ROBO2: variants seen among roughly 807,000 people sequenced by gnomAD.
ROBO2 encodes the protein roundabout guidance receptor 2, also known as roundabout homolog 2.
Under a neutral mutation model 160.8 loss-of-function variants are expected in ROBO2, and 53 were observed. The observed-to-expected ratio is 0.33, with a 90% CI of 0.26 to 0.41. ROBO2 has a LOEUF of 0.41. Among genes scored for constraint, ROBO2 ranks in the 10% least tolerant of loss-of-function variants. The pLI is 1.00. For synonymous variants in ROBO2, 664 were observed against 611.7 expected, an observed-to-expected ratio of 1.09 and a Z score of -1.26; for missense variants, 1,577 against 1,722.4, an observed-to-expected ratio of 0.92 and a Z score of 1.49.
At chr3:76,191,318 C>CCAGGTTTATTCTCAATGA (rs1313924941) in intron 2 of ROBO2, among the ~76,000 whole-genome samples, 1 of 151,988 alleles carries the variant, frequency 6.6e-6, no homozygotes, top group African/African-American at 2.4e-5. Context: ...AATACGCGTC[C>CCAGGTTTATTCTCAATGA]CAGGTTTATT....
chr3:76,880,100 C>T (rs2073180025), intron 2 of ROBO2, among the ~76,000 whole-genome samples: 1 of 152,062 alleles, frequency 6.6e-6, no homozygotes. Context: ...AATTTCTCCC[C>T]TCGAAGTGTT....
At chr3:77,118,026 C>T (rs2074377820) in intron 2 of ROBO2, among the ~76,000 whole-genome samples, 1 of 152,126 alleles carries the variant, frequency 6.6e-6, no homozygotes, top group Non-Finnish European at 1.5e-5. Context: ...TGCTATGTGC[C>T]ATTAAATTGA....
At chr3:77,138,882 A>C (rs2076484561) in intron 2 of ROBO2, among the ~76,000 whole-genome samples, 1 of 152,010 alleles carries the variant, frequency 6.6e-6, no homozygotes, top group African/African-American at 2.4e-5. Flanking sequence ...CATGAATATG[A>C]GATTGGAAGT....
At chr3:77,259,609 G>C (rs532918552) in intron 2 of ROBO2, among the ~76,000 whole-genome samples, 11 of 152,266 alleles carry the variant, frequency 7.2e-5, no homozygotes, top group Non-Finnish European at 1.6e-4. Flanking sequence ...AACAAAAAAG[G>C]ATGATTGCTT....
intron 6 of ROBO2, among the ~76,000 whole-genome samples, chr3:77,530,534 G>A (rs375106684): frequency 2.8e-4 from 42 of 152,086 alleles, no homozygotes; most frequent in East Asian, 2.5e-3. Flanking sequence ...TGAACTTAGA[G>A]GATGCTCTAG....
intron 2 of ROBO2, among the ~76,000 whole-genome samples, chr3:76,192,444 C>G: frequency 6.6e-6 from 1 of 151,584 alleles, no homozygotes; most frequent in Admixed American, 6.6e-5. Context: ...GCACTTTTCT[C>G]CTTACTATTA....
intron 2 of ROBO2, among the ~76,000 whole-genome samples, chr3:76,359,697 T>G (rs1473910326): frequency 1.3e-5 from 2 of 152,206 alleles, no homozygotes; most frequent in East Asian, 3.9e-4. Context: ...TTTTTTGTCT[T>G]GGTATTCATA....
At chr3:76,205,349 G>C (rs766840167) in intron 2 of ROBO2, among the ~76,000 whole-genome samples, 7 of 152,068 alleles carry the variant, frequency 4.6e-5, no homozygotes, top group Non-Finnish European at 8.8e-5. Context: ...AGTGAGGAGA[G>C]GCTGGTAAGT....
intron 2 of ROBO2, among the ~76,000 whole-genome samples, chr3:76,524,391 G>C (rs1445993383): frequency 6.6e-6 from 1 of 152,020 alleles, no homozygotes; most frequent in East Asian, 1.9e-4. Context: ...CCCAAGGCAG[G>C]TATTTGATAT....
intron 2 of ROBO2, among the ~76,000 whole-genome samples, chr3:77,387,419 C>G (rs1036103503): frequency 6.6e-6 from 1 of 151,706 alleles, no homozygotes. Flanking sequence ...AAACCTAGGT[C>G]GAATCAAGCA....
At chr3:76,042,794 C>G (rs962139882) in intron 2 of ROBO2, among the ~76,000 whole-genome samples, 4 of 151,956 alleles carry the variant, frequency 2.6e-5, no homozygotes, top group African/African-American at 9.7e-5. Flanking sequence ...CTGCTCTGTT[C>G]TGTTTCACTC....
intron 2 of ROBO2, among the ~76,000 whole-genome samples, chr3:76,158,682 A>G (rs1291896688): frequency 1.3e-5 from 2 of 152,134 alleles, no homozygotes; most frequent in Non-Finnish European, 2.9e-5. Flanking sequence ...AGCTGGCTTA[A>G]GAGAAGTAGC....
intron 2 of ROBO2, among the ~76,000 whole-genome samples, chr3:77,032,518 GA>G (rs1288493104): frequency 6.6e-6 from 1 of 152,008 alleles, no homozygotes; most frequent in African/African-American, 2.4e-5. Context: ...AATGTCCTGA[GA>G]AGAAGTATAT....
intron 2 of ROBO2, among the ~76,000 whole-genome samples, chr3:76,727,751 G>A (rs1576271013): frequency 6.6e-6 from 1 of 152,074 alleles, no homozygotes; most frequent in Non-Finnish European, 1.5e-5. Flanking sequence ...TGTCAGGAAG[G>A]GGGCAGGAAA....
intron 2 of ROBO2, among the ~76,000 whole-genome samples, chr3:75,952,664 A>G (rs982405813): frequency 2.6e-5 from 4 of 151,990 alleles, no homozygotes; most frequent in Non-Finnish European, 5.9e-5. Context: ...AGTTTATATT[A>G]GAGTTTACTC....
chr3:76,958,422 A>C (rs115009858), intron 2 of ROBO2, among the ~76,000 whole-genome samples: 4,480 of 152,282 alleles, frequency 0.029, 217 homozygotes, highest in African/African-American at 0.1. Context: ...TTTGGCATCA[A>C]ATTGCACTGA....
chr3:76,890,013 A>G (rs1424748932), intron 2 of ROBO2, among the ~76,000 whole-genome samples: 1 of 152,106 alleles, frequency 6.6e-6, no homozygotes, highest in Non-Finnish European at 1.5e-5. Flanking sequence ...GCAAGTAGTA[A>G]AGGGCCGTTT....
chr3:77,007,079 A>G (rs1030932353), intron 2 of ROBO2, among the ~76,000 whole-genome samples: 4 of 152,126 alleles, frequency 2.6e-5, no homozygotes, highest in Admixed American at 2.6e-4. Context: ...GAAGACTCTT[A>G]TGAGAGGAAA....
intron 2 of ROBO2, among the ~76,000 whole-genome samples, chr3:76,842,102 T>C (rs1288465770): frequency 6.6e-6 from 1 of 152,194 alleles, no homozygotes; most frequent in Non-Finnish European, 1.5e-5. Context: ...AATCGTGTTG[T>C]TATATGTGGC....
Sources: gnomAD v4.1 joint callset for allele counts (sites outside exome capture counted in the v4.1 genomes callset) on GRCh38, gnomAD v4.1.1 for gene constraint, MANE v1.5 for transcripts, NCBI Gene and HGNC (gene_info 2026-07-23, HGNC 2026-07-21) for gene names.